Variants in NRXN3 observed in about 807,000 individuals in gnomAD.
The protein encoded by NRXN3 is neurexin 3.
A neutral mutation model predicts 137.6 loss-of-function variants in NRXN3; 32 were observed. The observed-to-expected ratio is 0.23, with a 90% CI of 0.18 to 0.31. The LOEUF (loss-of-function observed/expected upper bound fraction) is 0.31. Ranked by LOEUF, NRXN3 falls within the 10% of genes least tolerant of loss-of-function variation. The pLI is 1.00. For synonymous variants in NRXN3, 798 were observed against 784.5 expected, an observed-to-expected ratio of 1.02 and a Z score of -0.29; for missense variants, 1,574 against 2,062.5, an observed-to-expected ratio of 0.76 and a Z score of 4.59.
chr14:78,508,717 G>A (rs1056513997), intron 4 of NRXN3, among the ~76,000 whole-genome samples: 1 of 151,904 alleles, frequency 6.6e-6, no homozygotes, highest in East Asian at 1.9e-4. Flanking sequence ...GTATCAAAAG[G>A]CCCTTAGAAG....
At chr14:79,229,566 CT>C (rs2071729211) in intron 15 of NRXN3, among the ~76,000 whole-genome samples, 1 of 152,152 alleles carries the variant, frequency 6.6e-6, no homozygotes, top group Non-Finnish European at 1.5e-5. Context: ...CTCTTTCTAC[CT>C]GTCAGCAGGA....
At chr14:78,663,279 A>G (rs921293517) in intron 6 of NRXN3, among the ~76,000 whole-genome samples, 1 of 152,224 alleles carries the variant, frequency 6.6e-6, no homozygotes, top group Non-Finnish European at 1.5e-5. Flanking sequence ...ATTGTCTCTC[A>G]CTACCGCTTA....
At chr14:78,479,339 G>A (rs1475345619) in intron 4 of NRXN3, among the ~76,000 whole-genome samples, 2 of 152,208 alleles carry the variant, frequency 1.3e-5, no homozygotes, top group African/African-American at 4.8e-5. Flanking sequence ...CAGCTGGAGA[G>A]TTTGTTAAAC....
chr14:79,355,256 AC>A (rs145724629), intron 15 of NRXN3, among the ~76,000 whole-genome samples: 3,848 of 140,542 alleles, frequency 0.027, 210 homozygotes, highest in African/African-American at 0.11. Context: ...TCTGTCCCCC[AC>A]CCCCTTCCTT....
chr14:79,596,624 G>A (rs1283935520), intron 16 of NRXN3, among the ~76,000 whole-genome samples: 5 of 152,120 alleles, frequency 3.3e-5, no homozygotes, highest in South Asian at 2.1e-4. Context: ...GTTTTAGGGC[G>A]AGAGAGCTTT....
At chr14:79,790,500 G>T (rs1448684172) in intron 19 of NRXN3, among the ~76,000 whole-genome samples, 1 of 151,384 alleles carries the variant, frequency 6.6e-6, no homozygotes, top group South Asian at 2.1e-4. Flanking sequence ...GTTGAGATGG[G>T]ATTTCATTAT....
intron 15 of NRXN3, among the ~76,000 whole-genome samples, chr14:79,124,128 T>C (rs962450400): frequency 3.9e-5 from 6 of 152,182 alleles, no homozygotes; most frequent in Admixed American, 3.9e-4. Flanking sequence ...TTGAAACTAG[T>C]ATTGATTGCA....
At chr14:79,067,576 C>T (rs1221567325) in intron 15 of NRXN3, among the ~76,000 whole-genome samples, 1 of 152,048 alleles carries the variant, frequency 6.6e-6, no homozygotes, top group African/African-American at 2.4e-5. Context: ...TAGAATTCAG[C>T]TGTGAATCTA....
chr14:79,576,570 AC>A (rs2097666574), intron 16 of NRXN3, among the ~76,000 whole-genome samples: 1 of 152,130 alleles, frequency 6.6e-6, no homozygotes, highest in African/African-American at 2.4e-5. Flanking sequence ...AAATGGGAAG[AC>A]GGGTCTATTT....
intron 15 of NRXN3, among the ~76,000 whole-genome samples, chr14:79,087,675 G>A (rs143697541): frequency 2.6e-5 from 4 of 152,158 alleles, no homozygotes; most frequent in African/African-American, 9.7e-5. Context: ...CATTTTCTCA[G>A]GAGGTCTAAC....
intron 19 of NRXN3, among the ~76,000 whole-genome samples, chr14:79,725,681 T>C (rs1008708705): frequency 6.6e-6 from 1 of 152,206 alleles, no homozygotes; most frequent in Non-Finnish European, 1.5e-5. Flanking sequence ...TTGTGATATT[T>C]CAGTGAAATA....
chr14:79,470,561 G>A (rs78859505), intron 16 of NRXN3, among the ~76,000 whole-genome samples: 13 of 152,234 alleles, frequency 8.5e-5, no homozygotes, highest in East Asian at 5.8e-4. Context: ...CTGTGGCATC[G>A]GTGATCAAGT....
At chr14:79,742,669 T>C (rs969198481) in intron 19 of NRXN3, among the ~76,000 whole-genome samples, 3 of 152,186 alleles carry the variant, frequency 2.0e-5, no homozygotes, top group Non-Finnish European at 4.4e-5. Context: ...TGGCCCACTG[T>C]ATGACATTTG....
intron 15 of NRXN3, among the ~76,000 whole-genome samples, chr14:79,132,848 C>A (rs531007893): frequency 4.6e-5 from 7 of 152,336 alleles, no homozygotes; most frequent in African/African-American, 1.7e-4. Context: ...GCAGGCCCAA[C>A]AATGGGCTCA....
chr14:79,635,502 C>G (rs987342290), intron 16 of NRXN3, among the ~76,000 whole-genome samples: 1 of 152,168 alleles, frequency 6.6e-6, no homozygotes, highest in Non-Finnish European at 1.5e-5. Flanking sequence ...TCAAACAAGA[C>G]TTATTTTTTT....
At chr14:78,488,183 C>T (rs1190990680) in intron 4 of NRXN3, among the ~76,000 whole-genome samples, 3 of 152,176 alleles carry the variant, frequency 2.0e-5, no homozygotes, top group Non-Finnish European at 4.4e-5. Flanking sequence ...GGATACCAGT[C>T]ACACTGGATT....
chr14:79,779,658 C>T (rs2099107893), intron 19 of NRXN3, among the ~76,000 whole-genome samples: 1 of 152,260 alleles, frequency 6.6e-6, no homozygotes, highest in South Asian at 2.1e-4. Flanking sequence ...TCCCTGGGAA[C>T]TCTCTCTACC....
chr14:78,490,754 A>G (rs889076697), intron 4 of NRXN3, among the ~76,000 whole-genome samples: 2 of 152,122 alleles, frequency 1.3e-5, no homozygotes, highest in African/African-American at 4.8e-5. Flanking sequence ...TACATTTATT[A>G]TTCTTAGCCA....
Position 78,888,450 on chromosome 14 carries a change from T to C in NRXN3, c.2276-68792T>C, listed in dbSNP as rs534134499. Among the ~76,000 whole-genome samples the C allele has an allele frequency of 4.6e-5, 7 of 152,132 alleles. No homozygotes were observed. In the East Asian group the frequency reaches 1.4e-3, roughly 30 times the overall value. ...AAACTTATGGTTTGTTAGGGGGTAGTGTCCTAGAAACAATGTAAGACAATT... is the reference window on the plus strand; with the variant it reads ...AAACTTATGGTTTGTTAGGGGGTAGCGTCCTAGAAACAATGTAAGACAATT... On this transcript the variant is annotated intron_variant, in intron 10 of 20. Coordinates refer to ENST00000335750, the MANE Select transcript of NRXN3 (RefSeq NM_001330195.2).
Sources: allele counts gnomAD v4.1 joint callset (sites outside exome capture counted in the v4.1 genomes callset), GRCh38; gene constraint gnomAD v4.1.1; transcripts MANE v1.5; gene names NCBI Gene and HGNC (gene_info 2026-07-23, HGNC 2026-07-21).